LRRC37A2: variants seen among roughly 807,000 people sequenced by gnomAD.
LRRC37A2 encodes the protein leucine-rich repeat-containing protein 37A2.
A neutral mutation model predicts 68.8 loss-of-function variants in LRRC37A2; 9 were observed. The observed-to-expected ratio is 0.13, with a 90% CI of 0.08 to 0.23. The LOEUF (loss-of-function observed/expected upper bound fraction) is 0.23. LRRC37A2 is among the 10% of genes least tolerant of loss of function. The pLI is 1.00. For missense variants in LRRC37A2, 168 were observed against 950.4 expected (o/e 0.18, Z 10.82); for synonymous variants, 63 against 367.6 (o/e 0.17, Z 9.48).
At chr17:46,499,211 G>C in the LRRC37A2 span, among the ~76,000 whole-genome samples, 1 of 140,552 alleles carries the variant, frequency 7.1e-6, no homozygotes, top group African/African-American at 3.0e-5. Context: ...GCTACTTGAA[G>C]TGAGGCAGGC....
the LRRC37A2 span, among the ~76,000 whole-genome samples, chr17:46,796,142 C>A: frequency 1.1e-4 from 17 of 152,194 alleles, no homozygotes; most frequent in African/African-American, 4.1e-4. Flanking sequence ...ATTGCTACCA[C>A]CCATTACCAC....
chr17:46,721,513 A>G, the LRRC37A2 span: 1 of 964,420 alleles, frequency 1.0e-6, no homozygotes, highest in Non-Finnish European at 1.6e-6. Context: ...TTCATAATAG[A>G]ACTGGGCTGA....
At chr17:46,687,388 A>G in the LRRC37A2 span, among the ~76,000 whole-genome samples, 3 of 151,398 alleles carry the variant, frequency 2.0e-5, no homozygotes, top group Non-Finnish European at 4.4e-5. Flanking sequence ...TTATCATGCT[A>G]GAAACAAACA....
the LRRC37A2 span, among the ~76,000 whole-genome samples, chr17:46,786,921 C>A: frequency 3.3e-5 from 5 of 151,720 alleles, no homozygotes; most frequent in Admixed American, 2.6e-4. Flanking sequence ...TCAGTAAAGG[C>A]CATTTTTCTT....
chr17:46,724,036 C>G, the LRRC37A2 span, among the ~76,000 whole-genome samples: 7 of 152,162 alleles, frequency 4.6e-5, no homozygotes, highest in Non-Finnish European at 1.0e-4. Context: ...GCATTGACAC[C>G]AACACCACTT....
At chr17:47,047,755 A>T in the LRRC37A2 span, among the ~76,000 whole-genome samples, 1 of 151,906 alleles carries the variant, frequency 6.6e-6, no homozygotes, top group South Asian at 2.1e-4. Context: ...TTCTGGTTCC[A>T]TAACCAGAAA....
At chr17:46,854,347 A>G in the LRRC37A2 span, among the ~76,000 whole-genome samples, 5 of 152,352 alleles carry the variant, frequency 3.3e-5, no homozygotes, top group Admixed American at 6.5e-5. Flanking sequence ...GCATTTGATT[A>G]TAACACAAAG....
chr17:46,939,183 A>C, the LRRC37A2 span: 4 of 1,087,252 alleles, frequency 3.7e-6, no homozygotes, highest in Non-Finnish European at 4.5e-6. Flanking sequence ...AAAAGTGGAA[A>C]GGAAAGGAAA....
the LRRC37A2 span, among the ~76,000 whole-genome samples, chr17:46,957,245 C>A: frequency 1.3e-5 from 2 of 152,274 alleles, no homozygotes; most frequent in East Asian, 3.9e-4. Context: ...GTGGAGGTTG[C>A]AGTGAGCTGA....
the LRRC37A2 span, among the ~76,000 whole-genome samples, chr17:46,967,667 G>A: frequency 3.3e-5 from 5 of 152,168 alleles, no homozygotes; most frequent in African/African-American, 9.7e-5. Context: ...CCGGTGCAGA[G>A]GGTTTAGGAC....
the LRRC37A2 span, among the ~76,000 whole-genome samples, chr17:46,824,870 C>T: frequency 1.5e-4 from 23 of 152,324 alleles, no homozygotes; most frequent in Admixed American, 7.2e-4. Flanking sequence ...CCTGCTCTGT[C>T]GCTTGGTTCC....
the LRRC37A2 span, among the ~76,000 whole-genome samples, chr17:46,994,853 G>C: frequency 6.6e-6 from 1 of 152,172 alleles, no homozygotes. Flanking sequence ...CAGGTACAGT[G>C]GCTCATTCCT....
At chr17:46,998,837 A>G in the LRRC37A2 span, 2 of 152,240 alleles carry the variant, frequency 1.3e-5, no homozygotes, top group Admixed American at 6.5e-5. Flanking sequence ...CAAATGAACA[A>G]TGTCACTGAA....
At chr17:46,862,275 C>A in the LRRC37A2 span, among the ~76,000 whole-genome samples, 2 of 151,490 alleles carry the variant, frequency 1.3e-5, no homozygotes, top group Non-Finnish European at 2.9e-5. Flanking sequence ...ATTAAAAGTA[C>A]AGAAAGGTAA....
At chr17:47,034,484 T>C in the LRRC37A2 span, among the ~76,000 whole-genome samples, 1 of 152,216 alleles carries the variant, frequency 6.6e-6, no homozygotes, top group Admixed American at 6.5e-5. Context: ...GGATGAGCTA[T>C]CAAGAAAGAG....
chr17:46,815,109 G>A, the LRRC37A2 span, among the ~76,000 whole-genome samples: 1 of 152,078 alleles, frequency 6.6e-6, no homozygotes, highest in Non-Finnish European at 1.5e-5. Context: ...CCATCTGCAC[G>A]TCCATCGCTG....
chr17:46,940,253 C>T, the LRRC37A2 span: 132 of 1,422,948 alleles, frequency 9.3e-5, no homozygotes, highest in African/African-American at 1.5e-3. Flanking sequence ...TTCACACTTT[C>T]GGTTGGAGGA....
chr17:46,853,363 CTTT>C, the LRRC37A2 span, among the ~76,000 whole-genome samples: 21 of 78,904 alleles, frequency 2.7e-4, no homozygotes, highest in African/African-American at 1.1e-3. Context: ...ATGCTAGTGA[CTTT>C]TTTTTTTTTT....
At chr17:46,750,856 A>G in the LRRC37A2 span, among the ~76,000 whole-genome samples, 1 of 151,986 alleles carries the variant, frequency 6.6e-6, no homozygotes, top group Non-Finnish European at 1.5e-5. Context: ...AAAAAAAAAA[A>G]GCTACAGAAG....
Sources: gnomAD v4.1 joint callset for allele counts (sites outside exome capture counted in the v4.1 genomes callset) on GRCh38, gnomAD v4.1.1 for gene constraint, MANE v1.5 for transcripts, NCBI Gene and HGNC (gene_info 2026-07-23, HGNC 2026-07-21) for gene names.